TEX264: variants seen among roughly 807,000 people sequenced by gnomAD.
TEX264 encodes the protein testis expressed 264, ER-phagy receptor, also known as testis-expressed protein 264.
TEX264 carries 13 observed loss-of-function variants against 23.4 expected under a neutral mutation model. That is an observed-to-expected ratio of 0.56 (90% CI 0.36 to 0.88). The LOEUF is 0.88. Ranked by LOEUF, TEX264 falls within the 40% of genes least tolerant of loss-of-function variation. TEX264 has a pLI of 0.01. For synonymous variants in TEX264, 159 were observed against 170.0 expected (o/e 0.94, Z 0.50); for missense variants, 340 against 406.8 (o/e 0.84, Z 1.41).
Position 51,703,779 on chromosome 3 carries a change from C to T in TEX264, c.705C>T (p.Ser235=), listed in dbSNP as rs371661771. The T allele has an allele frequency of 2.5e-6, 4 of 1,608,256 alleles. No individual in the cohort carries two copies. The African/African-American group carries it at 4.0e-5, about 16-fold the overall frequency. ...SSVSLEVSPG[S]RETSAATLSP... ...TAAGCTTGGAAGTGAGCCCTGGCAG[C>T]CGGGAGACTTCAGCTGCCACACTGT... is the stretch of plus-strand genomic sequence containing the variant. Residue 235 remains serine (S), a synonymous_variant, in exon 5 of 5, where the codon AGC becomes AGT. Coordinates refer to ENST00000341333, the MANE Select transcript of TEX264 (RefSeq NM_015926.6). The surrounding 1 kb of genome is among the most constrained non-coding windows in gnomAD (Gnocchi z 4.8).
Position 51,703,712 on chromosome 3 carries a change from T to C in TEX264, c.650-12T>C. 1 of 1,570,032 alleles carries C rather than the reference T, an allele frequency of 6.4e-7. No individual in the cohort carries two copies. The highest frequency in any genetic ancestry group is 8.7e-7 in the Non-Finnish European group (1 of 1,151,136). ...GTCCTAGCTAACCTGTGCTCCCTTT[T>C]CCTGGTCATAGGAGCTGACACAATG... is the stretch of plus-strand genomic sequence containing the variant. On this transcript the variant is annotated splice_polypyrimidine_tract_variant and intron_variant, in intron 4 of 4. Coordinates refer to ENST00000341333, the MANE Select transcript of TEX264 (RefSeq NM_015926.6). This position sits in a 1 kb window ranked among gnomAD's most constrained non-coding sequence, Gnocchi z 4.8.
rs1553697551 is a variant in TEX264 at position 51,694,070 on chromosome 3, C to CGT, written c.481-5336_481-5335insGT. ...TCCTCCCTTCCCTTCCCTTCCCTTC[C>CGT]CCTTCCTTCCGTCCGTCCTTCCTTC... On this transcript the variant is annotated intron_variant, in intron 3 of 4. Coordinates refer to ENST00000341333, the MANE Select transcript of TEX264 (RefSeq NM_015926.6). 1.5e-3 allele frequency among the ~76,000 whole-genome samples: 151 copies of CGT among 102,498 alleles called. 2 individuals are homozygous for CGT. The highest frequency in any genetic ancestry group is 6.0e-3 in the Middle Eastern group (1 of 168). 67.2% of individuals were successfully genotyped at this position (102,498 alleles called of 152,430 possible). A position where few individuals can be genotyped will look rare whatever the true frequency, so the allele number is the denominator to read the frequency against.
chr3:51,682,594 T>G (rs958424027), intron 2 of TEX264: 2 of 152,214 alleles, frequency 1.3e-5, no homozygotes, highest in Admixed American at 6.5e-5. Flanking sequence ...TGCTGAATGC[T>G]GGACCCAGGC....
chr3:51,684,484 G>A lies in TEX264; in HGVS notation c.330G>A (p.Glu110=). The change falls in exon 3 of 5, where the codon GAG becomes GAA. Residue 110 remains glutamate (E), a synonymous_variant. Coordinates refer to ENST00000341333, the MANE Select transcript of TEX264 (RefSeq NM_015926.6). The part of the protein sequence containing the change: ...LSEGEESPSP[E]LIDLYQKFGF... Reference sequence around the variant, plus strand: ...AAGGTGAGGAATCGCCCTCCCCTGAGCTCATCGACCTCTACCAGAAATTTG... The same window carrying A: ...AAGGTGAGGAATCGCCCTCCCCTGAACTCATCGACCTCTACCAGAAATTTG... 6.2e-7 allele frequency: 1 copy of A among 1,614,222 alleles called. No homozygotes were observed. The highest frequency in any genetic ancestry group is 1.1e-5 in the South Asian group (1 of 91,084).
intron 1 of TEX264, 33 bp from the exon 2 acceptor site, chr3:51,674,238 A>G (rs1702152243): frequency 1.3e-5 from 21 of 1,596,834 alleles, no homozygotes; most frequent in Non-Finnish European, 8.6e-7. Flanking sequence ...AGAGTAGGCT[A>G]CCAGCCTCCT....
intron 3 of TEX264, among the ~76,000 whole-genome samples, chr3:51,699,130 A>T (rs1279016499): frequency 6.6e-6 from 1 of 152,134 alleles, no homozygotes; most frequent in Non-Finnish European, 1.5e-5. Context: ...ATGTACACAT[A>T]GGAGAGCAGT....
chr3:51,676,962 G>A (rs1702252474), intron 2 of TEX264, among the ~76,000 whole-genome samples: 1 of 152,146 alleles, frequency 6.6e-6, no homozygotes, highest in Non-Finnish European at 1.5e-5. Context: ...GTCACACTTG[G>A]CACCTGGGAT....
At chr3:51,692,004 CCTTAG>C (rs1702845806) in intron 3 of TEX264, among the ~76,000 whole-genome samples, 1 of 152,220 alleles carries the variant, frequency 6.6e-6, no homozygotes, top group Non-Finnish European at 1.5e-5. Flanking sequence ...GGAACCTGCT[CCTTAG>C]CCTCTCTGGC....
At chr3:51,683,179 A>G (rs564874478) in intron 2 of TEX264, 6 of 152,410 alleles carry the variant, frequency 3.9e-5, no homozygotes, top group Non-Finnish European at 7.3e-5. Flanking sequence ...GGTAGGGAGA[A>G]AGGAGCCTTT....
chr3:51,672,437 T>C (rs1389664942), intron 1 of TEX264: 1 of 151,104 alleles, frequency 6.6e-6, no homozygotes, highest in East Asian at 2.0e-4. Context: ...GTTTGGGAAG[T>C]GAGAGGAAGA....
chr3:51,697,227 A>AG (rs1287864052), intron 3 of TEX264, among the ~76,000 whole-genome samples: 1 of 152,214 alleles, frequency 6.6e-6, no homozygotes, highest in Non-Finnish European at 1.5e-5. Flanking sequence ...CCTGCCAACG[A>AG]GGGGGCTGGC....
At position 51,686,092 on chromosome 3, in the gene TEX264, G is replaced by C. The variant is rs1207660110; in HGVS notation, c.480+1458G>C. Among the ~76,000 whole-genome samples, 1 of 152,192 alleles carries C rather than the reference G, an allele frequency of 6.6e-6. No individual in the cohort carries two copies. The highest frequency in any genetic ancestry group is 2.4e-5 in the African/African-American group (1 of 41,432). Reference sequence around the variant, plus strand: ...GGGGAGCTGCCTGAGATACATCTAAGTTGGGGGGTGTGGAGTCAGCAATGG... The same window carrying C: ...GGGGAGCTGCCTGAGATACATCTAACTTGGGGGGTGTGGAGTCAGCAATGG... On this transcript the variant is annotated intron_variant, in intron 3 of 4. Coordinates refer to ENST00000341333, the MANE Select transcript of TEX264 (RefSeq NM_015926.6). The surrounding 1 kb of genome is among the most constrained non-coding windows in gnomAD (Gnocchi z 4.1).
At chr3:51,675,719 C>A (rs1702206435) in intron 2 of TEX264, among the ~76,000 whole-genome samples, 2 of 152,124 alleles carry the variant, frequency 1.3e-5, no homozygotes, top group South Asian at 4.1e-4. Context: ...TCAGCTGGGC[C>A]TTCTCATGTA....
intron 3 of TEX264, among the ~76,000 whole-genome samples, chr3:51,690,106 G>A (rs1350622751): frequency 6.6e-6 from 1 of 152,178 alleles, no homozygotes; most frequent in Non-Finnish European, 1.5e-5. Flanking sequence ...GTTCTGTCCA[G>A]TGGGCACAGA....
intron 2 of TEX264, chr3:51,683,155 ATTT>A (rs1463135658): frequency 6.6e-6 from 1 of 152,658 alleles, no homozygotes; most frequent in Non-Finnish European, 1.5e-5. Context: ...GGCAAAAAAA[ATTT>A]TTTTGCGGTG....
At position 51,703,212 on chromosome 3, in the gene TEX264, A is replaced by G. The variant is rs1703379233; in HGVS notation, c.650-512A>G. ...TGGATGCTGCTCCTGGGAGCCCTGC[A>G]CGGGGGAGGGCTGCAGAGGGGCCTC... is the stretch of plus-strand genomic sequence containing the variant. On this transcript the variant is annotated intron_variant, in intron 4 of 4. Transcript: ENST00000341333. This position sits in a 1 kb window ranked among gnomAD's most constrained non-coding sequence, Gnocchi z 4.8. Among the ~76,000 whole-genome samples the G allele has an allele frequency of 6.6e-6, 1 of 152,196 alleles. No homozygotes were observed. The highest frequency in any genetic ancestry group is 6.5e-5 in the Admixed American group (1 of 15,284).
intron 1 of TEX264, 184 bp downstream of exon 1, chr3:51,671,472 C>T (rs1702039883): frequency 6.5e-6 from 1 of 154,674 alleles, no homozygotes. Context: ...TGGATGCGAC[C>T]TTGGGGCAGC....
intron 3 of TEX264, among the ~76,000 whole-genome samples, chr3:51,689,980 T>TGG (rs958006685): frequency 1.6e-4 from 24 of 152,266 alleles, no homozygotes; most frequent in African/African-American, 5.1e-4. Context: ...GATAGCATTA[T>TGG]GGGGCAGCCA....
chr3:51,682,846 T>A (rs1351157024), intron 2 of TEX264: 1 of 152,224 alleles, frequency 6.6e-6, no homozygotes, highest in African/African-American at 2.4e-5. Flanking sequence ...TGCAGACAGT[T>A]GAGGGTGACC....
Sources: gnomAD v4.1 joint callset for allele counts (sites outside exome capture counted in the v4.1 genomes callset) on GRCh38, gnomAD v4.1.1 for gene constraint, Gnocchi (gnomAD v3.1) non-coding constraint, MANE v1.5 for transcripts, NCBI Gene and HGNC (gene_info 2026-07-23, HGNC 2026-07-21) for gene names.